DIAPH3: variants seen among roughly 807,000 people sequenced by gnomAD.
The protein encoded by DIAPH3 is diaphanous related formin 3.
In DIAPH3, 117 loss-of-function variants were observed where a neutral mutation model predicts 144.3. The ratio of observed to expected loss-of-function variants is 0.81; its 90% confidence interval spans 0.70 to 0.95. The LOEUF is 0.95. Ranked by LOEUF, DIAPH3 falls within the 40% of genes least tolerant of loss-of-function variation. The probability of loss-of-function intolerance (pLI) is 0.00; values close to 1 mark genes in which losing one functional copy is unlikely to be tolerated. For missense variants in DIAPH3, 1,421 were observed against 1,412.7 expected (o/e 1.01, Z -0.09); for synonymous variants, 519 against 488.9 (o/e 1.06, Z -0.81).
At chr13:59,898,134 C>CAAAAAAAAAAAAAAAAAAAA (rs34238599) in intron 20 of DIAPH3, among the ~76,000 whole-genome samples, 2 of 72,196 alleles carry the variant, frequency 2.8e-5, no homozygotes, top group Non-Finnish European at 4.8e-5. Context: ...GACTCTGCCT[C>CAAAAAAAAAAAAAAAAAAAA]AAAAAAAAAA....
intron 17 of DIAPH3, among the ~76,000 whole-genome samples, chr13:59,941,270 C>A (rs2048518366): frequency 6.6e-6 from 1 of 152,074 alleles, no homozygotes; most frequent in South Asian, 2.1e-4. Context: ...GGATGCAGCA[C>A]ATGAGAAAAG....
intron 20 of DIAPH3, among the ~76,000 whole-genome samples, chr13:59,884,488 A>G (rs376796370): frequency 1.3e-5 from 2 of 152,046 alleles, no homozygotes; most frequent in African/African-American, 4.8e-5. Flanking sequence ...TCCACACTAC[A>G]CTCTCCACTC....
chr13:59,865,708 G>A (rs1318263550), intron 21 of DIAPH3, among the ~76,000 whole-genome samples: 1 of 151,958 alleles, frequency 6.6e-6, no homozygotes, highest in Non-Finnish European at 1.5e-5. Flanking sequence ...TCATGGCCTA[G>A]TTGTCAGTCT....
At chr13:60,144,964 A>C (rs1352753072) in intron 1 of DIAPH3, 1 of 152,250 alleles carries the variant, frequency 6.6e-6, no homozygotes, top group Non-Finnish European at 1.5e-5. Flanking sequence ...TAACTGAGAC[A>C]GAACCCAAGA....
intron 5 of DIAPH3, among the ~76,000 whole-genome samples, chr13:60,019,167 C>T (rs1194112777): frequency 6.6e-6 from 1 of 152,086 alleles, no homozygotes; most frequent in Non-Finnish European, 1.5e-5. Flanking sequence ...AGATCCATAG[C>T]TTTCTACAAA....
intron 20 of DIAPH3, among the ~76,000 whole-genome samples, chr13:59,892,720 G>T (rs573783818): frequency 3.9e-5 from 6 of 152,072 alleles, no homozygotes; most frequent in African/African-American, 1.4e-4. Flanking sequence ...TAGAAAAAGA[G>T]TAGCAAAGAA....
chr13:59,835,094 G>A (rs1430032195), intron 23 of DIAPH3, among the ~76,000 whole-genome samples: 2 of 151,684 alleles, frequency 1.3e-5, no homozygotes, highest in African/African-American at 2.4e-5. Context: ...TTCTGTCACT[G>A]AGGATGCCCA....
chr13:60,106,587 G>C (rs1380239712), intron 3 of DIAPH3, among the ~76,000 whole-genome samples: 1 of 151,992 alleles, frequency 6.6e-6, no homozygotes, highest in African/African-American at 2.4e-5. Flanking sequence ...AAAAAGACAA[G>C]ACTCGGTCTA....
At chr13:59,798,808 T>C (rs765693389) in intron 25 of DIAPH3, among the ~76,000 whole-genome samples, 20 of 152,198 alleles carry the variant, frequency 1.3e-4, no homozygotes, top group Non-Finnish European at 2.2e-4. Context: ...GCCCTGCGCA[T>C]TCATCCCAGG....
intron 9 of DIAPH3, among the ~76,000 whole-genome samples, chr13:60,002,526 G>A (rs919767949): frequency 9.2e-5 from 14 of 152,286 alleles, no homozygotes; most frequent in African/African-American, 3.4e-4. Context: ...AAAATCCTTT[G>A]TTTTTAACCT....
chr13:59,772,930 T>C (rs988545189), intron 27 of DIAPH3, among the ~76,000 whole-genome samples: 1 of 152,126 alleles, frequency 6.6e-6, no homozygotes, highest in African/African-American at 2.4e-5. Context: ...AGCTCTGTAC[T>C]CTGGAAGTTT....
chr13:59,969,214 G>A (rs886611097), intron 17 of DIAPH3, among the ~76,000 whole-genome samples: 4 of 152,026 alleles, frequency 2.6e-5, no homozygotes, highest in Non-Finnish European at 5.9e-5. Context: ...CACTGCACAG[G>A]TAAAACCTAT....
chr13:60,130,418 G>C (rs1402369861), intron 2 of DIAPH3, among the ~76,000 whole-genome samples: 1 of 152,172 alleles, frequency 6.6e-6, no homozygotes, highest in African/African-American at 2.4e-5. Context: ...ATGTGAAGAG[G>C]GTCAATGAGG....
At chr13:60,127,766 C>T (rs1246835565) in intron 2 of DIAPH3, among the ~76,000 whole-genome samples, 1 of 152,056 alleles carries the variant, frequency 6.6e-6, no homozygotes, top group Non-Finnish European at 1.5e-5. Context: ...CAGAGGGAAC[C>T]TTTTGGGGTG....
intron 24 of DIAPH3, among the ~76,000 whole-genome samples, chr13:59,827,788 A>T (rs1007240356): frequency 9.2e-5 from 14 of 152,136 alleles, no homozygotes; most frequent in African/African-American, 3.4e-4. Flanking sequence ...CCGTACATAC[A>T]TTATGCTTCA....
At chr13:59,803,198 A>G (rs982815441) in intron 25 of DIAPH3, among the ~76,000 whole-genome samples, 10 of 152,202 alleles carry the variant, frequency 6.6e-5, no homozygotes, top group Non-Finnish European at 1.3e-4. Context: ...CCACATTGTG[A>G]TAAGATCAAA....
chr13:59,853,204 T>C (rs1300347878), intron 22 of DIAPH3, among the ~76,000 whole-genome samples: 1 of 152,206 alleles, frequency 6.6e-6, no homozygotes, highest in African/African-American at 2.4e-5. Flanking sequence ...TCTCCTATCA[T>C]ATAATGTTTC....
chr13:60,034,146 A>G (rs2141126665), intron 5 of DIAPH3, among the ~76,000 whole-genome samples: 1 of 152,354 alleles, frequency 6.6e-6, no homozygotes, highest in East Asian at 1.9e-4. Context: ...TCTGCAGTTT[A>G]ATAATTTCTC....
intron 20 of DIAPH3, 89 bp downstream of exon 20, chr13:59,911,646 T>C (rs1223906892): frequency 5.1e-6 from 5 of 977,682 alleles, no homozygotes; most frequent in Admixed American, 1.8e-5. Context: ...ATTACTCACA[T>C]GCTTTTTTAC....
Sources: allele counts gnomAD v4.1 joint callset (sites outside exome capture counted in the v4.1 genomes callset), GRCh38; gene constraint gnomAD v4.1.1; transcripts MANE v1.5; gene names NCBI Gene and HGNC (gene_info 2026-07-23, HGNC 2026-07-21).